The following TAFA2 variants were observed in gnomAD, a reference collection of about 807,000 sequenced individuals.
The protein encoded by TAFA2 is chemokine-like protein TAFA-2.
A neutral mutation model predicts 18.8 loss-of-function variants in TAFA2; 7 were observed. That is an observed-to-expected ratio of 0.37 (90% confidence interval 0.21 to 0.70). The LOEUF is 0.70. TAFA2 is among the 30% of genes least tolerant of loss of function. TAFA2 has a pLI of 0.53. For missense variants in TAFA2, 122 were observed against 158.1 expected (o/e 0.77, Z 1.23); for synonymous variants, 60 against 54.2 (o/e 1.11, Z -0.47).
chr12:62,024,177 CTCCATGA>C (rs997622636), intron 1 of TAFA2, among the ~76,000 whole-genome samples: 9 of 152,128 alleles, frequency 5.9e-5, no homozygotes, highest in African/African-American at 2.2e-4. Flanking sequence ...CAGTAAACAG[CTCCATGA>C]TCTCAGCATT....
At chr12:62,211,771 T>C (rs955970830) in intron 1 of TAFA2, among the ~76,000 whole-genome samples, 1 of 152,168 alleles carries the variant, frequency 6.6e-6, no homozygotes, top group Non-Finnish European at 1.5e-5. Context: ...TATAAGACTA[T>C]AGATATAGAT....
At chr12:62,021,341 T>C (rs1415982690) in intron 1 of TAFA2, among the ~76,000 whole-genome samples, 1 of 152,106 alleles carries the variant, frequency 6.6e-6, no homozygotes, top group Admixed American at 6.6e-5. Flanking sequence ...CATGAATAAG[T>C]TCTTTAGTGG....
intron 1 of TAFA2, among the ~76,000 whole-genome samples, chr12:62,171,044 A>T (rs1266395859): frequency 6.6e-6 from 1 of 152,114 alleles, no homozygotes. Context: ...TATATTATTC[A>T]CTTTATTATG....
intron 1 of TAFA2, among the ~76,000 whole-genome samples, chr12:62,166,993 C>T (rs2062444889): frequency 6.6e-6 from 1 of 151,814 alleles, no homozygotes; most frequent in Non-Finnish European, 1.5e-5. Context: ...AAATGAAGTG[C>T]CATGCAGCTG....
At chr12:62,227,890 G>A (rs2062794562) in intron 1 of TAFA2, among the ~76,000 whole-genome samples, 2 of 151,916 alleles carry the variant, frequency 1.3e-5, no homozygotes, top group Non-Finnish European at 2.9e-5. Flanking sequence ...TACGTTCTTG[G>A]TGCCTTTTCC....
At chr12:62,158,068 C>T (rs1247656785) in intron 1 of TAFA2, among the ~76,000 whole-genome samples, 1 of 152,132 alleles carries the variant, frequency 6.6e-6, no homozygotes, top group Non-Finnish European at 1.5e-5. Flanking sequence ...ATCACATTCC[C>T]TATAAACTTT....
chr12:62,181,295 C>T (rs2062550675), intron 1 of TAFA2, among the ~76,000 whole-genome samples: 1 of 152,144 alleles, frequency 6.6e-6, no homozygotes, highest in African/African-American at 2.4e-5. Context: ...ACTACTGATC[C>T]CATCTTCCCA....
intron 1 of TAFA2, among the ~76,000 whole-genome samples, chr12:61,996,329 T>A (rs150564121): frequency 0.018 from 2,680 of 148,090 alleles, 40 homozygotes; most frequent in Non-Finnish European, 0.023. Flanking sequence ...CCATTTCCCA[T>A]CCTCCCACAA....
At chr12:61,986,085 G>A (rs1879803375) in intron 1 of TAFA2, among the ~76,000 whole-genome samples, 1 of 137,468 alleles carries the variant, frequency 7.3e-6, no homozygotes, top group South Asian at 2.5e-4. Context: ...CCCCACTATT[G>A]TTTGTATTAT....
intron 1 of TAFA2, among the ~76,000 whole-genome samples, chr12:62,007,415 C>T (rs1047145818): frequency 2.0e-5 from 3 of 152,106 alleles, no homozygotes; most frequent in Non-Finnish European, 2.9e-5. Flanking sequence ...AGGAAGCAAG[C>T]TTTGTGAAGC....
chr12:61,948,484 T>C (rs1045459456), intron 1 of TAFA2, among the ~76,000 whole-genome samples: 1 of 152,124 alleles, frequency 6.6e-6, no homozygotes, highest in Admixed American at 6.5e-5. Context: ...ATGTTGGAAA[T>C]AAGGCAAATA....
rs777698002 is a variant in TAFA2 at position 62,010,960 on chromosome 12, G to A, written c.-1-143534C>T. Reference sequence around the variant, plus strand: ...GAGCGCCTCTGCCCGGCCGCCCTTCGTCTGGGAGGTGGGGGGCGCCTCTGC... The same window carrying A: ...GAGCGCCTCTGCCCGGCCGCCCTTCATCTGGGAGGTGGGGGGCGCCTCTGC... On this transcript the variant is annotated intron_variant, in intron 1 of 4. Coordinates refer to ENST00000416284, the MANE Select transcript of TAFA2 (RefSeq NM_178539.5). Among the ~76,000 whole-genome samples the A allele has an allele frequency of 2.1e-4, 25 of 117,238 alleles. 3 individuals carry two copies. Among genetic ancestry groups the A allele is most frequent in the African/African-American group, 3.9e-4 (11 of 28,028 alleles). 76.9% of individuals were successfully genotyped at this position (117,238 alleles called of 152,430 possible).
intron 1 of TAFA2, among the ~76,000 whole-genome samples, chr12:62,247,873 A>C (rs958795199): frequency 9.9e-5 from 15 of 152,208 alleles, no homozygotes; most frequent in Non-Finnish European, 2.2e-4. Flanking sequence ...TGTTCAGAGA[A>C]ATAGTCACTG....
At chr12:61,713,336 G>A (rs1306244256) in intron 4 of TAFA2, among the ~76,000 whole-genome samples, 1 of 152,068 alleles carries the variant, frequency 6.6e-6, no homozygotes, top group South Asian at 2.1e-4. Flanking sequence ...CTTCCACAAC[G>A]TGTCTGTGCT....
chr12:61,889,971 A>G (rs927135741), intron 1 of TAFA2, among the ~76,000 whole-genome samples: 3 of 152,310 alleles, frequency 2.0e-5, no homozygotes, highest in South Asian at 2.1e-4. Context: ...CTTTTACTCT[A>G]TTAAAGTAGA....
intron 1 of TAFA2, among the ~76,000 whole-genome samples, chr12:61,883,268 A>AT (rs753677109): frequency 5.3e-5 from 8 of 152,218 alleles, no homozygotes; most frequent in Non-Finnish European, 1.0e-4. Context: ...ATATAATGGC[A>AT]TTACCTTAAT....
intron 1 of TAFA2, among the ~76,000 whole-genome samples, chr12:61,985,747 A>T (rs1046209745): frequency 6.6e-6 from 1 of 152,162 alleles, no homozygotes; most frequent in Non-Finnish European, 1.5e-5. Flanking sequence ...ATCAAATTGC[A>T]TTTATTTCCA....
intron 2 of TAFA2, among the ~76,000 whole-genome samples, chr12:61,777,660 T>G (rs551269758): frequency 6.6e-6 from 1 of 151,654 alleles, no homozygotes; most frequent in African/African-American, 2.4e-5. Flanking sequence ...ACCACTTATT[T>G]GCTGGGTAAC....
At chr12:62,015,258 C>T (rs2136719671) in intron 1 of TAFA2, among the ~76,000 whole-genome samples, 1 of 152,178 alleles carries the variant, frequency 6.6e-6, no homozygotes, top group South Asian at 2.1e-4. Context: ...CTCTGTAAGT[C>T]CAAGGATCAT....
Sources: allele counts gnomAD v4.1 joint callset (sites outside exome capture counted in the v4.1 genomes callset), GRCh38; gene constraint gnomAD v4.1.1; transcripts MANE v1.5; gene names NCBI Gene and HGNC (gene_info 2026-07-23, HGNC 2026-07-21).